MYO1H: variants seen among roughly 807,000 people sequenced by gnomAD.
The protein encoded by MYO1H is myosin IH.
MYO1H carries 118 observed loss-of-function variants against 149.3 expected under a neutral mutation model. The ratio of observed to expected loss-of-function variants is 0.79; its 90% CI spans 0.68 to 0.92. The LOEUF (loss-of-function observed/expected upper bound fraction) is 0.92. MYO1H is among the 40% of genes least tolerant of loss of function. MYO1H has a pLI of 0.00. For synonymous variants in MYO1H, 447 were observed against 465.2 expected (o/e 0.96, Z 0.50); for missense variants, 1,212 against 1,280.7 (o/e 0.95, Z 0.82).
intron 5 of MYO1H, among the ~76,000 whole-genome samples, chr12:109,400,399 TG>T (rs1466681424): frequency 6.6e-6 from 1 of 152,194 alleles, no homozygotes; most frequent in African/African-American, 2.4e-5. Context: ...TGGGATATAG[TG>T]GTTTTTCACT....
At chr12:109,319,794 T>A in the MYO1H span, among the ~76,000 whole-genome samples, 1 of 152,158 alleles carries the variant, frequency 6.6e-6, no homozygotes, top group African/African-American at 2.4e-5. Context: ...TGTTAGATGT[T>A]GCCCACATCA....
At chr12:109,361,633 C>T (rs930941160) in intron 1 of MYO1H, among the ~76,000 whole-genome samples, 4 of 151,916 alleles carry the variant, frequency 2.6e-5, no homozygotes, top group African/African-American at 9.7e-5. Flanking sequence ...TGGCAAAACC[C>T]TGTCTCTATG....
At chr12:109,394,793 G>A (rs1008947967) in intron 3 of MYO1H, among the ~76,000 whole-genome samples, 4 of 151,958 alleles carry the variant, frequency 2.6e-5, no homozygotes, top group African/African-American at 4.8e-5. Context: ...ACAGGGTCTC[G>A]CTTTGTCACC....
intron 1 of MYO1H, among the ~76,000 whole-genome samples, chr12:109,373,880 G>T (rs1303064578): frequency 6.6e-6 from 1 of 152,084 alleles, no homozygotes; most frequent in Non-Finnish European, 1.5e-5. Context: ...CCAGCTACTC[G>T]GGAGGCTGAG....
chr12:109,409,940 A>T, intron 11 of MYO1H, 23 bp from the exon 12 acceptor site: 1 of 1,311,424 alleles, frequency 7.6e-7, no homozygotes, highest in Non-Finnish European at 1.0e-6. Context: ...AACTTTAGTT[A>T]CTTAAATCTT....
At chr12:109,413,448 A>C (rs999873401) in intron 14 of MYO1H, among the ~76,000 whole-genome samples, 1 of 152,246 alleles carries the variant, frequency 6.6e-6, no homozygotes, top group African/African-American at 2.4e-5. Context: ...GTTGTAGAAT[A>C]CTGAAAGGAT....
chr12:109,430,945 T>C (rs2135587934), intron 19 of MYO1H, among the ~76,000 whole-genome samples: 1 of 150,650 alleles, frequency 6.6e-6, no homozygotes, highest in African/African-American at 2.4e-5. Context: ...ATACATGTAT[T>C]TTTTTTAACA....
intron 1 of MYO1H, among the ~76,000 whole-genome samples, chr12:109,379,653 GC>G (rs1869159528): frequency 6.6e-6 from 1 of 151,066 alleles, no homozygotes; most frequent in South Asian, 2.1e-4. Flanking sequence ...GCAAACATTA[GC>G]CTAAGAAAAG....
chr12:109,440,632 G>A (rs1191560860), intron 24 of MYO1H, 112 bp from the exon 25 acceptor site: 1 of 769,094 alleles, frequency 1.3e-6, no homozygotes, highest in Non-Finnish European at 2.2e-6. Flanking sequence ...TTAACACTGT[G>A]CTTGAAATCA....
chr12:109,338,526 G>A, the MYO1H span, among the ~76,000 whole-genome samples: 1 of 152,090 alleles, frequency 6.6e-6, no homozygotes, highest in Non-Finnish European at 1.5e-5. Flanking sequence ...CCAGCACTTT[G>A]GAGGGCCAAG....
At chr12:109,369,970 C>T (rs1334862820) in intron 1 of MYO1H, among the ~76,000 whole-genome samples, 1 of 152,132 alleles carries the variant, frequency 6.6e-6, no homozygotes, top group Non-Finnish European at 1.5e-5. Context: ...AAATAGAGAA[C>T]TTGTACAGGG....
At chr12:109,316,593 C>CTGCA in the MYO1H span, among the ~76,000 whole-genome samples, 5 of 152,164 alleles carry the variant, frequency 3.3e-5, no homozygotes, top group African/African-American at 4.8e-5. Context: ...ACTTAAAAAT[C>CTGCA]ATTTAGTGTG....
intron 1 of MYO1H, among the ~76,000 whole-genome samples, chr12:109,383,693 G>A (rs1000832077): frequency 2.6e-5 from 4 of 152,206 alleles, no homozygotes; most frequent in Non-Finnish European, 5.9e-5. Context: ...CCAGTTGGCC[G>A]GAAGTAGTCA....
chr12:109,445,856 A>G, intron 31 of MYO1H: 1 of 985,482 alleles, frequency 1.0e-6, no homozygotes, highest in Non-Finnish European at 1.2e-6. Flanking sequence ...AGAAGCTGAC[A>G]TGAGACACTT....
chr12:109,410,548 T>C, intron 12 of MYO1H, 140 bp from the exon 13 acceptor site: 1 of 656,556 alleles, frequency 1.5e-6, no homozygotes, highest in Admixed American at 2.8e-5. Context: ...ATTATTTTGA[T>C]ATTCAGAAAA....
At chr12:109,358,362 A>G (rs1446784914) in intron 1 of MYO1H, among the ~76,000 whole-genome samples, 1 of 152,024 alleles carries the variant, frequency 6.6e-6, no homozygotes, top group African/African-American at 2.4e-5. Context: ...GAGAAATAGA[A>G]ACAATAATCT....
intron 31 of MYO1H, 98 bp downstream of exon 31, chr12:109,445,710 A>G (rs1872451606): frequency 1.4e-6 from 2 of 1,452,516 alleles, no homozygotes; most frequent in Non-Finnish European, 1.8e-6. Context: ...TGGAATCATA[A>G]GCTATTAATA....
At position 109,444,587 on chromosome 12, in the gene MYO1H, C is replaced by A. The variant is rs919856059; in HGVS notation, c.2993+58C>A. The A allele has an allele frequency of 2.2e-6, 3 of 1,370,878 alleles. No individual in the cohort carries two copies. The Admixed American group carries it at 5.3e-5, about 24-fold the overall frequency. The allele number at this position is 1,370,878 out of a possible 1,614,324, so 84.9% of individuals were successfully genotyped here. A position where few individuals can be genotyped will look rare whatever the true frequency, so the allele number is the denominator to read the frequency against. Reference sequence around the variant, plus strand: ...TTCAATGTTAAAATGTTTATTAAGGCCGAGCGTGGTGGCTCATGCCTATAA... The same window carrying A: ...TTCAATGTTAAAATGTTTATTAAGGACGAGCGTGGTGGCTCATGCCTATAA... On this transcript the variant is annotated intron_variant, in intron 30 of 31. Coordinates refer to ENST00000310903, the Ensembl canonical transcript of MYO1H.
chr12:109,312,338 G>T, the MYO1H span, among the ~76,000 whole-genome samples: 1 of 152,040 alleles, frequency 6.6e-6, no homozygotes, highest in Non-Finnish European at 1.5e-5. Flanking sequence ...TCAGCCTCCC[G>T]AGTAGCTGGG....
Sources: allele counts gnomAD v4.1 joint callset (sites outside exome capture counted in the v4.1 genomes callset), GRCh38; gene constraint gnomAD v4.1.1; transcripts MANE v1.5; gene names NCBI Gene and HGNC (gene_info 2026-07-23, HGNC 2026-07-21).